The following GAS7 variants were observed in gnomAD, a reference collection of about 807,000 sequenced individuals.
GAS7 encodes growth arrest specific 7, also known as growth arrest-specific protein 7.
A neutral mutation model predicts 71.1 loss-of-function variants in GAS7; 28 were observed. That is an observed-to-expected ratio of 0.39 (90% CI 0.29 to 0.54). GAS7 has a LOEUF of 0.54. GAS7 is among the 20% of genes least tolerant of loss of function. The pLI, the probability that GAS7 is intolerant of heterozygous loss-of-function variation, is 0.62. For synonymous variants in GAS7, 258 were observed against 245.8 expected (o/e 1.05, Z -0.46); for missense variants, 436 against 627.8 (o/e 0.69, Z 3.27).
At chr17:10,003,430 CAT>C (rs569346229) in intron 2 of GAS7, among the ~76,000 whole-genome samples, 68 of 152,364 alleles carry the variant, frequency 4.5e-4, no homozygotes, top group African/African-American at 1.5e-3. Flanking sequence ...CTTCCCACTC[CAT>C]ATGTCACCAG....
At chr17:10,055,967 T>C (rs577329681) in intron 1 of GAS7, among the ~76,000 whole-genome samples, 8 of 152,226 alleles carry the variant, frequency 5.3e-5, no homozygotes, top group Non-Finnish European at 1.0e-4. Context: ...ATACTTTCTT[T>C]GACCCGCCAG....
chr17:10,087,656 C>T (rs1281576540), intron 1 of GAS7, among the ~76,000 whole-genome samples: 3 of 152,166 alleles, frequency 2.0e-5, no homozygotes, highest in Non-Finnish European at 4.4e-5. Flanking sequence ...GGACTGTTAC[C>T]ACTGAACTCT....
intron 2 of GAS7, among the ~76,000 whole-genome samples, chr17:9,991,706 C>T (rs1470693218): frequency 6.6e-6 from 1 of 152,032 alleles, no homozygotes; most frequent in Admixed American, 6.6e-5. Flanking sequence ...GCAAACACAC[C>T]GGGAATCTGT....
At chr17:10,121,912 CT>C (rs1173608631) in intron 1 of GAS7, among the ~76,000 whole-genome samples, 1 of 152,188 alleles carries the variant, frequency 6.6e-6, no homozygotes, top group Non-Finnish European at 1.5e-5. Flanking sequence ...TCAGAAACCA[CT>C]GAGACCAGTT....
chr17:10,132,950 G>T (rs2074008612), intron 1 of GAS7, among the ~76,000 whole-genome samples: 1 of 151,688 alleles, frequency 6.6e-6, no homozygotes, highest in Non-Finnish European at 1.5e-5. Context: ...TTCACCGAAA[G>T]ACTTTAAATT....
chr17:9,982,549 G>A (rs1487471263), intron 2 of GAS7, among the ~76,000 whole-genome samples: 1 of 152,114 alleles, frequency 6.6e-6, no homozygotes, highest in Non-Finnish European at 1.5e-5. Flanking sequence ...GGCCTAGGTG[G>A]GCAGATCACT....
At chr17:9,978,661 G>C (rs998279819) in intron 3 of GAS7, among the ~76,000 whole-genome samples, 2 of 152,084 alleles carry the variant, frequency 1.3e-5, no homozygotes, top group African/African-American at 2.4e-5. Flanking sequence ...CTGAGTAACA[G>C]AGCAAGACCA....
chr17:10,170,744 CGAGCGTTTGTTCAGTGAAT>C (rs1444641390), intron 1 of GAS7, among the ~76,000 whole-genome samples: 2 of 152,196 alleles, frequency 1.3e-5, no homozygotes, highest in Non-Finnish European at 2.9e-5. Flanking sequence ...TGGCACTGAA[CGAGCGTTTGTTCAGTGAAT>C]GAGCCCCGTA....
chr17:9,976,876 C>G (rs1265051766), intron 3 of GAS7, among the ~76,000 whole-genome samples: 2 of 152,232 alleles, frequency 1.3e-5, no homozygotes, highest in African/African-American at 4.8e-5. Flanking sequence ...AAGGTATTCA[C>G]TTTCCACATT....
Position 9,917,378 on chromosome 17 carries a change from C to T in GAS7, c.1318-37G>A, listed in dbSNP as rs4791910. 0.55 allele frequency: 781,502 copies of T among 1,427,730 alleles called. 217,186 individuals carry two copies. Among genetic ancestry groups the T allele is most frequent in the Non-Finnish European group, 0.57 (576,722 of 1,009,890 alleles). The allele number at this position is 1,427,730 out of a possible 1,614,324, so 88.4% of individuals were successfully genotyped here. A position where few individuals can be genotyped will look rare whatever the true frequency, so the allele number is the denominator to read the frequency against. ...AGAGAAAATGCGACACTGTTAGAGA[C>T]GGCGGCCAAGCCAGGGAGGTCTCCT... On this transcript the variant is annotated intron_variant, in intron 13 of 13. Coordinates refer to ENST00000432992, the MANE Select transcript of GAS7 (RefSeq NM_201433.2).
intron 1 of GAS7, among the ~76,000 whole-genome samples, chr17:10,071,328 G>A (rs1462512969): frequency 6.6e-6 from 1 of 152,136 alleles, no homozygotes; most frequent in Non-Finnish European, 1.5e-5. Flanking sequence ...GGGAAGATGC[G>A]AATCACCCTG....
At chr17:10,063,543 G>C (rs988850789) in intron 1 of GAS7, among the ~76,000 whole-genome samples, 1 of 152,198 alleles carries the variant, frequency 6.6e-6, no homozygotes, top group East Asian at 1.9e-4. Flanking sequence ...ATGAATTCAA[G>C]GTTCAAACAG....
chr17:10,146,935 C>A (rs1434057183), intron 1 of GAS7, among the ~76,000 whole-genome samples: 9 of 144,646 alleles, frequency 6.2e-5, no homozygotes, highest in Non-Finnish European at 1.2e-4. Context: ...GAGCTGAGAT[C>A]GCGCCAGAGC....
intron 1 of GAS7, among the ~76,000 whole-genome samples, chr17:10,167,930 C>T (rs1270300142): frequency 2.6e-5 from 4 of 152,250 alleles, no homozygotes; most frequent in Non-Finnish European, 5.9e-5. Context: ...AACTCCTGGG[C>T]TCAAGCCACC....
rs1597841705 is a variant in GAS7, at chr17:10,184,694, G to A, written c.183+13514C>T. 2.6e-5 allele frequency among the ~76,000 whole-genome samples: 4 copies of A among 152,196 alleles called. No homozygotes were observed. The South Asian group carries it at 8.3e-4, about 32-fold the overall frequency. The stretch of plus-strand genomic sequence containing the variant: ...TGCCACATAGCTCCTCAAACCCTTG[G>A]AATTTCCTGATAGGAATGTTGTTTG... On this transcript the variant is annotated intron_variant, in intron 1 of 13. Coordinates refer to ENST00000432992, the MANE Select transcript of GAS7 (RefSeq NM_201433.2).
chr17:10,061,832 TG>T (rs2073223625), intron 1 of GAS7, among the ~76,000 whole-genome samples: 2 of 152,166 alleles, frequency 1.3e-5, no homozygotes, highest in South Asian at 4.1e-4. Flanking sequence ...TTTCCTCTCC[TG>T]GTTTCTAGGG....
intron 2 of GAS7, among the ~76,000 whole-genome samples, chr17:10,003,973 G>C (rs931192695): frequency 3.9e-5 from 6 of 152,138 alleles, no homozygotes; most frequent in Non-Finnish European, 7.3e-5. Context: ...CAATCTCATC[G>C]ATGGGACCTC....
In GAS7 at chr17:10,154,913, T is replaced by TACAC. The variant is rs57604032; in HGVS notation, c.183+43291_183+43294dup. Among the ~76,000 whole-genome samples, 1,956 of 141,996 alleles carry TACAC rather than the reference T, an allele frequency of 0.014. 98 individuals carry two copies. The East Asian group carries it at 0.17, about 12-fold the overall frequency. The allele number at this position is 141,996 out of a possible 152,430, so 93.2% of individuals were successfully genotyped here. ...ATTACCCCAATCCCCAACCCCAGGC[T>TACAC]ACACACACACACACACACACACACA... On this transcript the variant is annotated intron_variant, in intron 1 of 13. Coordinates refer to ENST00000432992, the MANE Select transcript of GAS7 (RefSeq NM_201433.2).
chr17:9,997,461 G>A (rs1311652758), intron 2 of GAS7, among the ~76,000 whole-genome samples: 1 of 151,948 alleles, frequency 6.6e-6, no homozygotes, highest in Non-Finnish European at 1.5e-5. Flanking sequence ...GATAACATAG[G>A]AAAAACTAAA....
Sources: allele counts gnomAD v4.1 joint callset (sites outside exome capture counted in the v4.1 genomes callset), GRCh38; gene constraint gnomAD v4.1.1; transcripts MANE v1.5; gene names NCBI Gene and HGNC (gene_info 2026-07-23, HGNC 2026-07-21).